RLBP1: variants seen among roughly 807,000 people sequenced by gnomAD.
The protein encoded by RLBP1 is retinaldehyde binding protein 1.
Under a neutral mutation model 36.2 loss-of-function variants are expected in RLBP1, and 26 were observed. The ratio of observed to expected loss-of-function variants is 0.72; its 90% CI spans 0.53 to 1.00. The LOEUF (loss-of-function observed/expected upper bound fraction) is 1.00. RLBP1 is among the 50% of genes least tolerant of loss of function. The probability of loss-of-function intolerance (pLI) is 0.00; values close to 1 mark genes in which losing one functional copy is unlikely to be tolerated. For synonymous variants in RLBP1, 155 were observed against 156.2 expected, an observed-to-expected ratio of 0.99 and a Z score of 0.06; for missense variants, 410 against 402.4, an observed-to-expected ratio of 1.02 and a Z score of -0.16.
chr15:89,218,478 A>G lies in RLBP1; in HGVS notation c.141+87T>C. ...GGATGATCTGGAGTGCCGAGGCTGG[A>G]CCCTTTTCACAGGAGAGAGAATGCA... On this transcript the variant is annotated intron_variant, in intron 4 of 8. Coordinates refer to ENST00000268125, the MANE Select transcript of RLBP1 (RefSeq NM_000326.5). This position sits in a 1 kb window ranked among gnomAD's most constrained non-coding sequence, Gnocchi z 4.6. 6.3e-7 allele frequency: 1 copy of G among 1,590,634 alleles called. No individual in the cohort carries two copies. Among genetic ancestry groups the G allele is most frequent in the Non-Finnish European group, 8.6e-7 (1 of 1,162,318 alleles).
chr15:89,215,348 G>A (rs546002764), intron 5 of RLBP1, 110 bp from the exon 6 acceptor site: 90 of 1,036,922 alleles, frequency 8.7e-5, no homozygotes, highest in Non-Finnish European at 1.1e-4. Context: ...ATGTGTGACC[G>A]AGCTGGCTAC....
At chr15:89,216,015 C>G (rs2051576772) in intron 5 of RLBP1, among the ~76,000 whole-genome samples, 1 of 152,218 alleles carries the variant, frequency 6.6e-6, no homozygotes, top group African/African-American at 2.4e-5. Flanking sequence ...TTTATATCCA[C>G]CTCCTTAATT....
At position 89,219,063 on chromosome 15, in the gene RLBP1, T is replaced by C; in HGVS notation, c.-88A>G. On this transcript the variant is annotated 5_prime_UTR_variant, in exon 3 of 9. Coordinates refer to ENST00000268125, the MANE Select transcript of RLBP1 (RefSeq NM_000326.5). ...TCTCCAGCCGGCCCCTTCCCTAGGA[T>C]AGGAAGTCAGGGCTGCAGGGGTTAG... 2.0e-6 allele frequency: 3 copies of C among 1,535,494 alleles called. No individual in the cohort carries two copies. The highest frequency in any genetic ancestry group is 2.7e-6 in the Non-Finnish European group (3 of 1,109,964).
rs1342108134 is a variant in RLBP1 at position 89,211,779 on chromosome 15, C to T, written c.648G>A (p.Arg216=). 1.2e-6 allele frequency: 2 copies of T among 1,614,070 alleles called. No individual in the cohort carries two copies. The highest frequency in any genetic ancestry group is 1.7e-6 in the Non-Finnish European group (2 of 1,179,956). ...CCACCATCTTCCTGAGATCTGAAGTCCGGAGACTAGCAGCCTGCTGCATGG... is the reference window on the plus strand; with the variant it reads ...CCACCATCTTCCTGAGATCTGAAGTTCGGAGACTAGCAGCCTGCTGCATGG... ...GFTMQQAASL[R]TSDLRKMVDM... The change falls in exon 7 of 9, where the codon CGG becomes CGA. Residue 216 remains arginine, a synonymous_variant. Coordinates refer to ENST00000268125, the MANE Select transcript of RLBP1 (RefSeq NM_000326.5). This position sits in a 1 kb window ranked among gnomAD's most constrained non-coding sequence, Gnocchi z 5.8.
intron 1 of RLBP1, among the ~76,000 whole-genome samples, chr15:89,221,003 C>CTTT (rs562626834): frequency 7.7e-6 from 1 of 129,282 alleles, no homozygotes; most frequent in Non-Finnish European, 1.6e-5. Context: ...TAAATGTGAA[C>CTTT]TTTTTTTTTT....
chr15:89,220,088 G>A (rs1256338618), intron 1 of RLBP1, among the ~76,000 whole-genome samples: 2 of 152,152 alleles, frequency 1.3e-5, no homozygotes, highest in Non-Finnish European at 2.9e-5. Flanking sequence ...TCCATGGTCA[G>A]TTCAATCACC....
intron 4 of RLBP1, 47 bp from the exon 5 acceptor site, chr15:89,217,371 A>C: frequency 6.3e-7 from 1 of 1,576,966 alleles, no homozygotes; most frequent in Non-Finnish European, 8.6e-7. Context: ...GGTGCGGGTG[A>C]GGGGCAGGAC....
chr15:89,215,134 G>T lies in RLBP1; in HGVS notation c.451C>A (p.Arg151=). ...ATGACCACTCGGCCATACTTGTCCC[G>T]ACTAGAGAGGACACCAGGGTAGCCA... ...EAGYPGVLSS[R]DKYGRVVMLF... is the part of the protein sequence containing the mutation. Residue 151 remains arginine (R), a synonymous_variant, in exon 6 of 9, where the codon CGG becomes AGG. Transcript: ENST00000268125. The T allele has an allele frequency of 6.2e-7, 1 of 1,614,196 alleles. No homozygotes were observed. Among genetic ancestry groups the T allele is most frequent in the South Asian group, 1.1e-5 (1 of 91,078 alleles).
intron 2 of RLBP1, 153 bp downstream of exon 2, chr15:89,219,584 G>A (rs1261815846): frequency 1.9e-5 from 3 of 161,466 alleles, no homozygotes; most frequent in African/African-American, 7.2e-5. Flanking sequence ...TGTGTTCTGT[G>A]CTTTGTGATG....
At position 89,219,088 on chromosome 15, in the gene RLBP1, GA is replaced by G; in HGVS notation, c.-100-14del. 1 of 1,201,724 alleles carries G rather than the reference GA, an allele frequency of 8.3e-7. No individual in the cohort carries two copies. The highest frequency in any genetic ancestry group is 1.2e-6 in the Non-Finnish European group (1 of 810,780). 74.4% of individuals were successfully genotyped at this position (1,201,724 alleles called of 1,614,324 possible). On this transcript the variant is annotated splice_polypyrimidine_tract_variant and intron_variant, in intron 2 of 8. Transcript: ENST00000268125. ...TAGGAAGTCAGGGCTGCAGGGGTTAGAAAAACCATTCTGTTATTGTCTCAGA... is the reference window on the plus strand; with the variant it reads ...TAGGAAGTCAGGGCTGCAGGGGTTAGAAAACCATTCTGTTATTGTCTCAGA...
chr15:89,212,563 C>T (rs549638827), intron 6 of RLBP1, among the ~76,000 whole-genome samples: 34 of 130,656 alleles, frequency 2.6e-4, no homozygotes, highest in Admixed American at 9.4e-4. Context: ...CCAACCTAGG[C>T]GACAAGAGCA....
chr15:89,217,393 G>A (rs1180781922), intron 4 of RLBP1, 69 bp from the exon 5 acceptor site: 34 of 1,492,726 alleles, frequency 2.3e-5, no homozygotes, highest in South Asian at 1.1e-5. Flanking sequence ...CACAGGTGAT[G>A]AGTCTCCTGC....
At position 89,210,190 on chromosome 15, in the gene RLBP1, A is replaced by G; in HGVS notation, c.*95T>C. 2 of 1,448,206 alleles carry G rather than the reference A, an allele frequency of 1.4e-6. No individual in the cohort carries two copies. The highest frequency in any genetic ancestry group is 1.9e-6 in the Non-Finnish European group (2 of 1,039,112). The allele number at this position is 1,448,206 out of a possible 1,614,324, so 89.7% of individuals were successfully genotyped here. ...CTTAGGGAGTCTAAGGGGGGACCAC[A>G]GTCATCTCAAGCAGCCCTTTCCTAG... On this transcript the variant is annotated 3_prime_UTR_variant, in exon 9 of 9. Coordinates refer to ENST00000268125, the MANE Select transcript of RLBP1 (RefSeq NM_000326.5). The surrounding 1 kb of genome is among the most constrained non-coding windows in gnomAD (Gnocchi z 4.7).
rs1400184877 is a variant in RLBP1, at chr15:89,218,414, C to T, written c.141+151G>A. ...CCAGTTGCTGCCATAGCCGTGACCACCAGGAAGGACCTTAGAACCGGCCAG... is the reference window on the plus strand; with the variant it reads ...CCAGTTGCTGCCATAGCCGTGACCATCAGGAAGGACCTTAGAACCGGCCAG... On this transcript the variant is annotated intron_variant, in intron 4 of 8. Coordinates refer to ENST00000268125, the MANE Select transcript of RLBP1 (RefSeq NM_000326.5). This position sits in a 1 kb window ranked among gnomAD's most constrained non-coding sequence, Gnocchi z 4.6. The T allele has an allele frequency of 2.5e-6, 3 of 1,207,514 alleles. No individual in the cohort carries two copies. Among genetic ancestry groups the T allele is most frequent in the Non-Finnish European group, 3.5e-6 (3 of 846,086 alleles). The allele number at this position is 1,207,514 out of a possible 1,614,324, so 74.8% of individuals were successfully genotyped here. A position where few individuals can be genotyped will look rare whatever the true frequency, so the allele number is the denominator to read the frequency against.
At chr15:89,219,143 C>A in intron 2 of RLBP1, 68 bp from the exon 3 acceptor site, 1 of 777,990 alleles carries the variant, frequency 1.3e-6, no homozygotes, top group Non-Finnish European at 2.2e-6. Context: ...TCAATTGCAT[C>A]AGAATCACCC....
intron 6 of RLBP1, among the ~76,000 whole-genome samples, chr15:89,212,669 T>C (rs983166685): frequency 6.6e-6 from 1 of 151,250 alleles, no homozygotes; most frequent in Non-Finnish European, 1.5e-5. Context: ...TATGAAAAGA[T>C]TGGAAGGATG....
In RLBP1 at chr15:89,210,795, G is replaced by C; in HGVS notation, c.699C>G (p.Ala233=). 11 of 1,589,570 alleles carry C rather than the reference G, an allele frequency of 6.9e-6. No homozygotes were observed. Among genetic ancestry groups the C allele is most frequent in the Non-Finnish European group, 9.4e-6 (11 of 1,165,958 alleles). The part of the protein sequence containing the change: ...MVDMLQDSFP[A]RFKAIHFIHQ... ...GGATGAAGTGGATGGCTTTGAACCG[G>C]GCTGGGAAGGAATCCTGCGGTGACA... The change falls in exon 8 of 9, where the codon GCC becomes GCG. Residue 233 remains alanine, a synonymous_variant. Coordinates refer to ENST00000268125, the MANE Select transcript of RLBP1 (RefSeq NM_000326.5). The surrounding 1 kb of genome is among the most constrained non-coding windows in gnomAD (Gnocchi z 4.7).
intron 5 of RLBP1, 89 bp downstream of exon 5, chr15:89,217,031 G>T: frequency 7.3e-7 from 1 of 1,371,214 alleles, no homozygotes; most frequent in Non-Finnish European, 1.0e-6. Flanking sequence ...CAGTATGGAA[G>T]CAGGCCTGTT....
rs554760592 is a variant in RLBP1 at position 89,211,525 on chromosome 15, G to A, written c.684+218C>T. On this transcript the variant is annotated intron_variant, in intron 7 of 8. Transcript: ENST00000268125. The surrounding 1 kb of genome is among the most constrained non-coding windows in gnomAD (Gnocchi z 5.8). The stretch of plus-strand genomic sequence containing the variant: ...AAAATGAAGCAGGGAAGGAGGGAGA[G>A]AATGCTCTCAAGGAGTCGATGGAAG... Among the ~76,000 whole-genome samples the A allele has an allele frequency of 6.6e-6, 1 of 152,306 alleles. No homozygotes were observed. The highest frequency in any genetic ancestry group is 2.1e-4 in the South Asian group (1 of 4,818).
Sources: allele counts gnomAD v4.1 joint callset (sites outside exome capture counted in the v4.1 genomes callset), GRCh38; gene constraint gnomAD v4.1.1; non-coding constraint Gnocchi (gnomAD v3.1); transcripts MANE v1.5; gene names NCBI Gene and HGNC (gene_info 2026-07-23, HGNC 2026-07-21).